The following MACROD2 variants were observed in gnomAD, a reference collection of about 807,000 sequenced individuals.
The protein encoded by MACROD2 is mono-ADP ribosylhydrolase 2.
In MACROD2, 36 loss-of-function variants were observed where a neutral mutation model predicts 70.4. The ratio of observed to expected loss-of-function variants is 0.51; its 90% CI spans 0.39 to 0.68. The LOEUF is 0.68. MACROD2 is among the 30% of genes least tolerant of loss of function. MACROD2 has a pLI of 0.00. For missense variants in MACROD2, 496 were observed against 538.4 expected (o/e 0.92, Z 0.78); for synonymous variants, 172 against 178.8 (o/e 0.96, Z 0.30).
intron 7 of MACROD2, among the ~76,000 whole-genome samples, chr20:15,482,997 T>C (rs1280843201): frequency 6.6e-6 from 1 of 152,094 alleles, no homozygotes; most frequent in African/African-American, 2.4e-5. Flanking sequence ...TTTGCAAATA[T>C]TTTCACTCTA....
At chr20:15,821,009 C>T (rs1039911650) in intron 8 of MACROD2, among the ~76,000 whole-genome samples, 1 of 152,174 alleles carries the variant, frequency 6.6e-6, no homozygotes, top group African/African-American at 2.4e-5. Flanking sequence ...CCTCTCCAGA[C>T]ATGTGTGCCA....
At chr20:14,584,706 A>G (rs2123357512) in intron 4 of MACROD2, among the ~76,000 whole-genome samples, 1 of 152,242 alleles carries the variant, frequency 6.6e-6, no homozygotes, top group South Asian at 2.1e-4. Flanking sequence ...AATCTTTAAA[A>G]ATTGGTGCAT....
At chr20:14,830,767 A>G (rs1365059137) in intron 5 of MACROD2, among the ~76,000 whole-genome samples, 2 of 152,158 alleles carry the variant, frequency 1.3e-5, no homozygotes, top group African/African-American at 4.8e-5. Flanking sequence ...ACGTGATAGC[A>G]CAGTTTGTAC....
intron 8 of MACROD2, among the ~76,000 whole-genome samples, chr20:15,828,625 C>G (rs2064022755): frequency 6.6e-6 from 1 of 152,126 alleles, no homozygotes; most frequent in South Asian, 2.1e-4. Flanking sequence ...GTGGATTTTA[C>G]TGTCCTATGT....
intron 5 of MACROD2, among the ~76,000 whole-genome samples, chr20:14,760,133 A>T (rs2071995293): frequency 6.6e-6 from 1 of 151,978 alleles, no homozygotes. Flanking sequence ...GTTGCACAGA[A>T]CTCCCAAGGG....
chr20:14,059,494 G>A (rs576040724), intron 2 of MACROD2, among the ~76,000 whole-genome samples: 1 of 152,308 alleles, frequency 6.6e-6, no homozygotes, highest in East Asian at 1.9e-4. Context: ...GTAGGGTGAA[G>A]TGATACAGAA....
At chr20:14,827,687 T>C (rs1177946418) in intron 5 of MACROD2, among the ~76,000 whole-genome samples, 2 of 151,530 alleles carry the variant, frequency 1.3e-5, no homozygotes, top group African/African-American at 4.9e-5. Context: ...ATATTCTCCT[T>C]GCCAGAAAAA....
At chr20:15,284,288 A>G (rs1240045297) in intron 6 of MACROD2, among the ~76,000 whole-genome samples, 5 of 152,046 alleles carry the variant, frequency 3.3e-5, no homozygotes, top group African/African-American at 2.4e-5. Flanking sequence ...AATTTCCTCT[A>G]TCTAGATTTA....
intron 6 of MACROD2, among the ~76,000 whole-genome samples, chr20:15,292,395 T>A (rs748168968): frequency 6.6e-6 from 1 of 152,168 alleles, no homozygotes; most frequent in Non-Finnish European, 1.5e-5. Flanking sequence ...TAGTAAAAAA[T>A]TGTTGCACCT....
intron 6 of MACROD2, among the ~76,000 whole-genome samples, chr20:15,401,759 A>G (rs1208970947): frequency 3.9e-5 from 6 of 152,204 alleles, no homozygotes; most frequent in Non-Finnish European, 8.8e-5. Context: ...ACTATAGAAA[A>G]CAATAGAGAA....
intron 3 of MACROD2, among the ~76,000 whole-genome samples, chr20:14,381,185 TTACC>T (rs2083417531): frequency 6.6e-6 from 1 of 152,162 alleles, no homozygotes; most frequent in Admixed American, 6.5e-5. Context: ...TAAAAAAATC[TTACC>T]TAATATGAAT....
At chr20:14,545,085 T>C (rs968262548) in intron 4 of MACROD2, among the ~76,000 whole-genome samples, 1 of 152,170 alleles carries the variant, frequency 6.6e-6, no homozygotes, top group Non-Finnish European at 1.5e-5. Flanking sequence ...GAACACTATA[T>C]TCACTCTCTG....
intron 4 of MACROD2, among the ~76,000 whole-genome samples, chr20:14,607,690 T>C (rs1187902424): frequency 6.6e-6 from 1 of 152,192 alleles, no homozygotes; most frequent in African/African-American, 2.4e-5. Context: ...TTTCCTTTGT[T>C]ATAACGCTAC....
intron 3 of MACROD2, among the ~76,000 whole-genome samples, chr20:14,470,456 G>A (rs534427972): frequency 1.3e-5 from 2 of 152,294 alleles, no homozygotes; most frequent in East Asian, 1.9e-4. Context: ...CTCAAGTGCT[G>A]TGCTAGAAGA....
intron 2 of MACROD2, among the ~76,000 whole-genome samples, chr20:14,081,498 G>A (rs3121496): frequency 0.99 from 151,386 of 152,362 alleles, 75,216 homozygotes; most frequent in East Asian, 1. Context: ...AGATATTTCA[G>A]CTTGCAATTG....
At chr20:14,099,186 G>A (rs554645183) in intron 3 of MACROD2, among the ~76,000 whole-genome samples, 1 of 152,138 alleles carries the variant, frequency 6.6e-6, no homozygotes, top group Admixed American at 6.5e-5. Context: ...GCTGAGGCAG[G>A]AGAATCTCTT....
intron 8 of MACROD2, among the ~76,000 whole-genome samples, chr20:15,665,309 T>C (rs1600729610): frequency 6.6e-6 from 1 of 152,224 alleles, no homozygotes; most frequent in South Asian, 2.1e-4. Context: ...ACTAAACTTA[T>C]GGTCGGCAGT....
Position 15,156,641 on chromosome 20 carries a change from C to G in MACROD2, c.419-73299C>G, listed in dbSNP as rs1307146947. On this transcript the variant is annotated intron_variant, in intron 5 of 17. Coordinates refer to ENST00000684519, the MANE Select transcript of MACROD2 (RefSeq NM_001351661.2). The stretch of plus-strand genomic sequence containing the variant: ...ATACAGTATTTCTGGAACAACCACC[C>G]TAGGCCTGGGTGATTCATTTCAGCT... Among the ~76,000 whole-genome samples the G allele has an allele frequency of 2.6e-5, 4 of 152,242 alleles. No individual in the cohort carries two copies. In the East Asian group the frequency reaches 7.7e-4, roughly 29 times the overall value.
chr20:14,217,836 A>G (rs952805608), intron 3 of MACROD2, among the ~76,000 whole-genome samples: 3 of 151,992 alleles, frequency 2.0e-5, no homozygotes, highest in African/African-American at 4.8e-5. Flanking sequence ...TTCATATTTC[A>G]GTGGTGTCAG....
Sources: allele counts gnomAD v4.1 joint callset (sites outside exome capture counted in the v4.1 genomes callset), GRCh38; gene constraint gnomAD v4.1.1; transcripts MANE v1.5; gene names NCBI Gene and HGNC (gene_info 2026-07-23, HGNC 2026-07-21).